The following VAV3 variants were observed in gnomAD, a reference collection of about 807,000 sequenced individuals.
VAV3 encodes the protein guanine nucleotide exchange factor VAV3.
Under a neutral mutation model 131.2 loss-of-function variants are expected in VAV3, and 94 were observed. That is an observed-to-expected ratio of 0.72 (90% CI 0.61 to 0.85). VAV3 has a LOEUF of 0.85. Ranked by LOEUF, VAV3 falls within the 40% of genes least tolerant of loss-of-function variation. The pLI, the probability that VAV3 is intolerant of heterozygous loss-of-function variation, is 0.00. For missense variants in VAV3, 939 were observed against 1,002.7 expected (o/e 0.94, Z 0.86); for synonymous variants, 349 against 342.0 (o/e 1.02, Z -0.22).
chr1:107,691,457 C>T (rs1659422061), intron 17 of VAV3, among the ~76,000 whole-genome samples: 1 of 152,112 alleles, frequency 6.6e-6, no homozygotes, highest in Admixed American at 6.5e-5. Context: ...ATAATTAGGG[C>T]TGATTATCAT....
intron 19 of VAV3, among the ~76,000 whole-genome samples, chr1:107,682,332 A>T (rs921995297): frequency 1.3e-5 from 2 of 152,222 alleles, no homozygotes; most frequent in Non-Finnish European, 2.9e-5. Context: ...TGAAACAGCA[A>T]TACTATAACT....
At chr1:107,712,326 T>C (rs1459643340) in intron 15 of VAV3, among the ~76,000 whole-genome samples, 1 of 152,154 alleles carries the variant, frequency 6.6e-6, no homozygotes, top group Non-Finnish European at 1.5e-5. Context: ...CTTGAAACAT[T>C]ATGAGATTGA....
chr1:107,921,887 G>A (rs973914243), intron 1 of VAV3, among the ~76,000 whole-genome samples: 2 of 152,150 alleles, frequency 1.3e-5, no homozygotes, highest in African/African-American at 4.8e-5. Context: ...AAATGTTAGT[G>A]CTATTCCTTG....
At chr1:107,665,222 C>T (rs904185115) in intron 19 of VAV3, among the ~76,000 whole-genome samples, 4 of 152,032 alleles carry the variant, frequency 2.6e-5, no homozygotes, top group African/African-American at 9.7e-5. Flanking sequence ...TACTAAATAC[C>T]AGTGGTGTAG....
chr1:107,774,947 CT>C (rs1212867060), intron 4 of VAV3, among the ~76,000 whole-genome samples: 1 of 150,672 alleles, frequency 6.6e-6, no homozygotes, highest in East Asian at 1.9e-4. Flanking sequence ...CCTACTTCAC[CT>C]TTTATCCCAG....
chr1:107,647,454 G>A (rs1655817918), intron 19 of VAV3, among the ~76,000 whole-genome samples: 1 of 151,822 alleles, frequency 6.6e-6, no homozygotes, highest in African/African-American at 2.4e-5. Flanking sequence ...GAAAGCAAGG[G>A]AAAGTATCCT....
intron 19 of VAV3, among the ~76,000 whole-genome samples, chr1:107,655,809 T>C (rs1419990875): frequency 6.6e-6 from 1 of 152,076 alleles, no homozygotes; most frequent in Non-Finnish European, 1.5e-5. Context: ...TAGACATTTC[T>C]CAAAAAAGAC....
At chr1:107,797,578 T>C (rs1470280710) in intron 2 of VAV3, among the ~76,000 whole-genome samples, 1 of 152,162 alleles carries the variant, frequency 6.6e-6, no homozygotes, top group African/African-American at 2.4e-5. Flanking sequence ...TCCAGTGAGT[T>C]ATGCTAGAAT....
chr1:107,667,601 C>A (rs530150163), intron 19 of VAV3, among the ~76,000 whole-genome samples: 2 of 152,182 alleles, frequency 1.3e-5, no homozygotes, highest in African/African-American at 2.4e-5. Flanking sequence ...TTATTATACA[C>A]ACACACACAC....
intron 15 of VAV3, among the ~76,000 whole-genome samples, chr1:107,707,504 C>T (rs1660524553): frequency 1.3e-5 from 2 of 152,146 alleles, no homozygotes; most frequent in South Asian, 4.1e-4. Flanking sequence ...GTGCTGATTC[C>T]AAATCCATAT....
chr1:107,719,735 T>C (rs1177077735), intron 15 of VAV3, among the ~76,000 whole-genome samples: 1 of 152,234 alleles, frequency 6.6e-6, no homozygotes, highest in African/African-American at 2.4e-5. Flanking sequence ...TTATAAATCA[T>C]GCTACTATAA....
chr1:107,891,730 T>G (rs952988537), intron 1 of VAV3, among the ~76,000 whole-genome samples: 1 of 150,944 alleles, frequency 6.6e-6, no homozygotes, highest in Non-Finnish European at 1.5e-5. Flanking sequence ...TCCCAGCTAC[T>G]TGGGAGGTTG....
intron 1 of VAV3, among the ~76,000 whole-genome samples, chr1:107,946,267 A>G (rs1484853784): frequency 6.6e-6 from 1 of 152,112 alleles, no homozygotes; most frequent in East Asian, 1.9e-4. Flanking sequence ...CACTATAAAC[A>G]CCCTGCAATA....
intron 19 of VAV3, chr1:107,678,090 T>C (rs1273691681): frequency 6.6e-6 from 1 of 152,144 alleles, no homozygotes; most frequent in Non-Finnish European, 1.5e-5. Flanking sequence ...ACTAGTCTTA[T>C]TGTCCATGGT....
At chr1:107,857,482 A>C (rs1026473196) in intron 2 of VAV3, among the ~76,000 whole-genome samples, 3 of 152,190 alleles carry the variant, frequency 2.0e-5, no homozygotes, top group Non-Finnish European at 4.4e-5. Flanking sequence ...ACTTTGTTAT[A>C]ACTTTTTAGA....
chr1:107,772,067 A>G (rs1250908602), intron 5 of VAV3, among the ~76,000 whole-genome samples: 2 of 152,266 alleles, frequency 1.3e-5, no homozygotes, highest in Admixed American at 6.5e-5. Context: ...GCTGGTAAAG[A>G]AAAGTCTTTA....
At chr1:107,693,331 TTCCAAGTTGCA>T (rs1412288364) in intron 17 of VAV3, among the ~76,000 whole-genome samples, 1 of 152,156 alleles carries the variant, frequency 6.6e-6, no homozygotes, top group Non-Finnish European at 1.5e-5. Context: ...TCAAATTTGT[TTCCAAGTTGCA>T]TAGTTTGTCT....
intron 19 of VAV3, among the ~76,000 whole-genome samples, chr1:107,674,252 T>C (rs1234684999): frequency 1.3e-5 from 2 of 152,226 alleles, no homozygotes; most frequent in Admixed American, 1.3e-4. Flanking sequence ...TTCTGCTGGG[T>C]GTCATACACA....
chr1:107,719,955 A>T (rs1479204106), intron 15 of VAV3, among the ~76,000 whole-genome samples: 1 of 152,200 alleles, frequency 6.6e-6, no homozygotes, highest in African/African-American at 2.4e-5. Flanking sequence ...AAACTATCAC[A>T]AGGACAGAAA....
Sources: gnomAD v4.1 joint callset for allele counts (sites outside exome capture counted in the v4.1 genomes callset) on GRCh38, gnomAD v4.1.1 for gene constraint, MANE v1.5 for transcripts, NCBI Gene and HGNC (gene_info 2026-07-23, HGNC 2026-07-21) for gene names.